Variants in USP45 observed in about 807,000 individuals in gnomAD.
USP45 encodes ubiquitin carboxyl-terminal hydrolase 45.
Under a neutral mutation model 95.8 loss-of-function variants are expected in USP45, and 89 were observed. The ratio of observed to expected loss-of-function variants is 0.93; its 90% CI spans 0.78 to 1.11. USP45 has a LOEUF of 1.11. Ranked by LOEUF, USP45 falls within the 50% of genes least tolerant of loss-of-function variation. The pLI, the probability that USP45 is intolerant of heterozygous loss-of-function variation, is 0.00. For missense variants in USP45, 898 were observed against 942.5 expected (o/e 0.95, Z 0.62); for synonymous variants, 281 against 316.2 (o/e 0.89, Z 1.18).
chr6:99,472,587 G>A (rs1023598799), intron 9 of USP45, among the ~76,000 whole-genome samples: 9 of 151,826 alleles, frequency 5.9e-5, no homozygotes, highest in Non-Finnish European at 1.3e-4. Flanking sequence ...TGCAAATCAT[G>A]GGGAAAAAAA....
At chr6:99,488,353 T>A in intron 6 of USP45, 58 bp from the exon 7 acceptor site, 2 of 1,099,166 alleles carry the variant, frequency 1.8e-6, no homozygotes, top group East Asian at 5.1e-5. Context: ...TCTGATTTTA[T>A]GGAATACACT....
chr6:99,515,770 C>CTTTTTTTTTT (rs56926251), upstream of USP45, among the ~76,000 whole-genome samples: 2 of 88,468 alleles, frequency 2.3e-5, no homozygotes, highest in Non-Finnish European at 4.1e-5. Flanking sequence ...CCTCTGAACT[C>CTTTTTTTTTT]TTTTTTTTTT....
At chr6:99,496,948 T>C (rs1243022617) in intron 5 of USP45, among the ~76,000 whole-genome samples, 1 of 152,186 alleles carries the variant, frequency 6.6e-6, no homozygotes, top group African/African-American at 2.4e-5. Context: ...CTAAAGTTCC[T>C]AGTTTACATC....
At chr6:99,465,059 C>A in intron 12 of USP45, 21 bp downstream of exon 12, 1 of 1,557,486 alleles carries the variant, frequency 6.4e-7, no homozygotes, top group South Asian at 1.2e-5. Flanking sequence ...AAAGCTTCAT[C>A]ATTAGTTTTC....
intron 15 of USP45, among the ~76,000 whole-genome samples, chr6:99,440,803 A>T (rs1781379757): frequency 6.6e-6 from 1 of 152,162 alleles, no homozygotes; most frequent in African/African-American, 2.4e-5. Context: ...AGGAATATTT[A>T]ATCTACATTC....
At chr6:99,457,029 C>T (rs1785246424) in intron 13 of USP45, among the ~76,000 whole-genome samples, 1 of 152,112 alleles carries the variant, frequency 6.6e-6, no homozygotes, top group Non-Finnish European at 1.5e-5. Flanking sequence ...TGAAATAGAC[C>T]CCAGTCTCCC....
rs544168643 is a variant in USP45 at position 99,433,419 on chromosome 6, C to G, written c.*2297G>C. 1 of 152,578 alleles carries G rather than the reference C, an allele frequency of 6.6e-6. No homozygotes were observed. Among genetic ancestry groups the G allele is most frequent in the East Asian group, 1.9e-4 (1 of 5,182 alleles). 9.5% of individuals were successfully genotyped at this position (152,578 alleles called of 1,614,324 possible). A position where few individuals can be genotyped will look rare whatever the true frequency, so the allele number is the denominator to read the frequency against. Reference sequence around the variant, plus strand: ...CAGAAACTACTGTTATTATAGTAGACTTGCTACTATATACATTTACTATCC... The same window carrying G: ...CAGAAACTACTGTTATTATAGTAGAGTTGCTACTATATACATTTACTATCC... On this transcript the variant is annotated 3_prime_UTR_variant, in exon 18 of 18. Coordinates refer to ENST00000500704, the MANE Select transcript of USP45 (RefSeq NM_001346022.3).
chr6:99,495,654 A>T (rs1447907418), intron 5 of USP45, among the ~76,000 whole-genome samples: 1 of 152,240 alleles, frequency 6.6e-6, no homozygotes, highest in Non-Finnish European at 1.5e-5. Context: ...TGCAATTTAT[A>T]AGTGTGATAG....
At position 99,466,656 on chromosome 6, in the gene USP45, A is replaced by G; in HGVS notation, c.1107+16T>C. ...TGTAATCCATTCCATGCTGAATTGAATTCTAAAGTACCTACATTTGCACAT... is the reference window on the plus strand; with the variant it reads ...TGTAATCCATTCCATGCTGAATTGAGTTCTAAAGTACCTACATTTGCACAT... On this transcript the variant is annotated intron_variant, in intron 11 of 17. Coordinates refer to ENST00000500704, the MANE Select transcript of USP45 (RefSeq NM_001346022.3). The G allele has an allele frequency of 1.3e-6, 2 of 1,593,496 alleles. No individual in the cohort carries two copies. Among genetic ancestry groups the G allele is most frequent in the Non-Finnish European group, 1.7e-6 (2 of 1,162,302 alleles).
rs188701888 is a variant in USP45, at chr6:99,470,169, T to C, written c.934-1551A>G. Reference sequence around the variant, plus strand: ...CAATGAGACTTATGAATCAGAAATATTGTCAACACCAACATCCCCTTCTGC... The same window carrying C: ...CAATGAGACTTATGAATCAGAAATACTGTCAACACCAACATCCCCTTCTGC... On this transcript the variant is annotated intron_variant, in intron 9 of 17. Transcript: ENST00000500704. Among the ~76,000 whole-genome samples the C allele has an allele frequency of 1.4e-4, 21 of 152,230 alleles. No individual in the cohort carries two copies. The East Asian group carries it at 3.7e-3, about 27-fold the overall frequency.
intron 13 of USP45, among the ~76,000 whole-genome samples, chr6:99,456,608 T>C (rs368336952): frequency 4.8e-4 from 73 of 152,326 alleles, no homozygotes; most frequent in African/African-American, 1.7e-3. Context: ...TGGACACTTA[T>C]CACTTCCCCA....
intron 5 of USP45, among the ~76,000 whole-genome samples, chr6:99,492,355 T>TA (rs1291103612): frequency 6.6e-6 from 1 of 150,668 alleles, no homozygotes; most frequent in African/African-American, 2.5e-5. Context: ...GCAGTGGCAA[T>TA]AAAAAGAGTT....
upstream of USP45, chr6:99,515,510 A>T (rs1395931709): frequency 1.3e-5 from 2 of 152,002 alleles, no homozygotes; most frequent in South Asian, 2.1e-4. Flanking sequence ...GGAGGGTTCC[A>T]GGCGGCGCGC....
chr6:99,479,012 C>A (rs4240579), intron 8 of USP45, among the ~76,000 whole-genome samples: 109,569 of 148,420 alleles, frequency 0.74, 40,493 homozygotes, highest in South Asian at 0.87. Flanking sequence ...ATTGCAACAA[C>A]AAAAAAAAAA....
chr6:99,511,825 A>G (rs1426112356), intron 1 of USP45, among the ~76,000 whole-genome samples: 1 of 141,508 alleles, frequency 7.1e-6, no homozygotes, highest in East Asian at 2.1e-4. Flanking sequence ...AGAGAGACAC[A>G]TATATGTATG....
intron 1 of USP45, among the ~76,000 whole-genome samples, chr6:99,513,357 T>C (rs1371853995): frequency 6.6e-6 from 1 of 152,078 alleles, no homozygotes; most frequent in African/African-American, 2.4e-5. Flanking sequence ...CCCCTCCAAC[T>C]CCCAACTAAC....
At chr6:99,452,085 A>AGTTTTCT (rs1783993677) in intron 13 of USP45, among the ~76,000 whole-genome samples, 3 of 152,210 alleles carry the variant, frequency 2.0e-5, no homozygotes, top group Non-Finnish European at 2.9e-5. Flanking sequence ...CCCTAGAAGA[A>AGTTTTCT]AACCTAGGCA....
intron 9 of USP45, among the ~76,000 whole-genome samples, chr6:99,474,821 G>A (rs78678042): frequency 1.2e-3 from 176 of 152,252 alleles, no homozygotes; most frequent in African/African-American, 4.2e-3. Context: ...TTAATATCTT[G>A]CATTTTCTCT....
intron 17 of USP45, among the ~76,000 whole-genome samples, chr6:99,436,866 G>A (rs1346034786): frequency 6.6e-6 from 1 of 152,118 alleles, no homozygotes; most frequent in Non-Finnish European, 1.5e-5. Flanking sequence ...TTGGGAGGCC[G>A]AGGCGGGCAA....
Sources: allele counts gnomAD v4.1 joint callset (sites outside exome capture counted in the v4.1 genomes callset), GRCh38; gene constraint gnomAD v4.1.1; transcripts MANE v1.5; gene names NCBI Gene and HGNC (gene_info 2026-07-23, HGNC 2026-07-21).